ADGRL2: variants seen among roughly 807,000 people sequenced by gnomAD.
The protein encoded by ADGRL2 is calcium-independent alpha-latrotoxin receptor 2.
Under a neutral mutation model 157.4 loss-of-function variants are expected in ADGRL2, and 44 were observed. That is an observed-to-expected ratio of 0.28 (90% CI 0.22 to 0.36). The LOEUF (loss-of-function observed/expected upper bound fraction) is 0.36, where lower values mean the gene tolerates loss of function less well. ADGRL2 is among the 10% of genes least tolerant of loss of function. The probability of loss-of-function intolerance (pLI) is 1.00; values close to 1 mark genes in which losing one functional copy is unlikely to be tolerated. For synonymous variants in ADGRL2, 585 were observed against 624.7 expected (o/e 0.94, Z 0.95); for missense variants, 1,510 against 1,768.9 (o/e 0.85, Z 2.63).
intron 1 of ADGRL2, among the ~76,000 whole-genome samples, chr1:81,755,245 G>A (rs2085648526): frequency 6.8e-6 from 1 of 148,072 alleles, no homozygotes; most frequent in Admixed American, 6.8e-5. Context: ...CATACATGGG[G>A]GTGATAATTG....
chr1:81,577,796 C>G (rs1028323715), intron 2 of ADGRL2, among the ~76,000 whole-genome samples: 6 of 152,186 alleles, frequency 3.9e-5, no homozygotes, highest in Middle Eastern at 3.2e-3. Flanking sequence ...AATATTCAAT[C>G]TTTCCTGCCT....
intron 1 of ADGRL2, among the ~76,000 whole-genome samples, chr1:81,721,209 A>G (rs144070800): frequency 6.6e-6 from 1 of 151,478 alleles, no homozygotes; most frequent in African/African-American, 2.4e-5. Flanking sequence ...TGGTAACGGC[A>G]TACATTTATC....
At chr1:81,467,562 G>A (rs2101845814) in intron 2 of ADGRL2, among the ~76,000 whole-genome samples, 1 of 152,284 alleles carries the variant, frequency 6.6e-6, no homozygotes, top group East Asian at 1.9e-4. Context: ...CTTGCATGCA[G>A]GGAGAGCTGG....
intron 2 of ADGRL2, among the ~76,000 whole-genome samples, chr1:81,537,618 C>A (rs1394506460): frequency 1.3e-5 from 2 of 151,986 alleles, no homozygotes; most frequent in Non-Finnish European, 2.9e-5. Context: ...AGCATTTTAT[C>A]TTTACTAAAA....
At chr1:81,826,205 ATC>A (rs1457229844) in intron 1 of ADGRL2, among the ~76,000 whole-genome samples, 1 of 152,162 alleles carries the variant, frequency 6.6e-6, no homozygotes, top group Non-Finnish European at 1.5e-5. Flanking sequence ...TTTAAAGAAA[ATC>A]TGTTACTTCA....
chr1:81,333,749 G>A (rs1661437488), intron 1 of ADGRL2, among the ~76,000 whole-genome samples: 1 of 147,204 alleles, frequency 6.8e-6, no homozygotes, highest in Non-Finnish European at 1.5e-5. Context: ...TCAGAGCTGG[G>A]GGGTTCCCTA....
chr1:81,370,320 A>G (rs2076139945), intron 1 of ADGRL2, among the ~76,000 whole-genome samples: 1 of 152,196 alleles, frequency 6.6e-6, no homozygotes, highest in African/African-American at 2.4e-5. Flanking sequence ...TGAAATTCAA[A>G]ACGATTAAAT....
chr1:81,552,912 C>G (rs972130307), intron 2 of ADGRL2, among the ~76,000 whole-genome samples: 4 of 152,044 alleles, frequency 2.6e-5, no homozygotes, highest in Non-Finnish European at 4.4e-5. Context: ...CACTTTTTCC[C>G]CCAGTGTGTC....
intron 2 of ADGRL2, among the ~76,000 whole-genome samples, chr1:81,564,954 G>A (rs964087109): frequency 2.6e-5 from 4 of 152,214 alleles, no homozygotes; most frequent in African/African-American, 9.6e-5. Context: ...CACTGCCTGA[G>A]AGAAGCTGTA....
chr1:81,525,420 C>A (rs537703014), intron 2 of ADGRL2, among the ~76,000 whole-genome samples: 1 of 152,192 alleles, frequency 6.6e-6, no homozygotes, highest in African/African-American at 2.4e-5. Flanking sequence ...TGGGTTCAAG[C>A]GATTCTCATG....
At chr1:81,492,349 A>G (rs182345297) in intron 2 of ADGRL2, among the ~76,000 whole-genome samples, 8 of 152,328 alleles carry the variant, frequency 5.3e-5, no homozygotes, top group Admixed American at 5.2e-4. Context: ...CAATGAAGTG[A>G]AAAACACTTC....
intron 2 of ADGRL2, among the ~76,000 whole-genome samples, chr1:81,849,696 T>G (rs780867056): frequency 6.6e-6 from 1 of 151,946 alleles, no homozygotes; most frequent in Admixed American, 6.6e-5. Context: ...CCTGTAATAC[T>G]GATAAGTATA....
intron 1 of ADGRL2, among the ~76,000 whole-genome samples, chr1:81,740,127 A>G (rs755243073): frequency 9.2e-5 from 14 of 152,214 alleles, no homozygotes; most frequent in Non-Finnish European, 1.6e-4. Context: ...CTGGGAAAGT[A>G]ATATCTAACA....
chr1:81,473,857 G>A (rs2078221140), intron 2 of ADGRL2, among the ~76,000 whole-genome samples: 1 of 152,160 alleles, frequency 6.6e-6, no homozygotes, highest in South Asian at 2.1e-4. Flanking sequence ...AGCTGAAGAG[G>A]AGACTGACAC....
At chr1:81,592,857 T>A (rs1332589406) in intron 3 of ADGRL2, among the ~76,000 whole-genome samples, 1 of 151,992 alleles carries the variant, frequency 6.6e-6, no homozygotes, top group Non-Finnish European at 1.5e-5. Flanking sequence ...CAGTAAAGTA[T>A]TGGCTGTTGG....
chr1:81,755,945 C>T (rs2085674398), intron 1 of ADGRL2, among the ~76,000 whole-genome samples: 1 of 152,160 alleles, frequency 6.6e-6, no homozygotes, highest in African/African-American at 2.4e-5. Context: ...ACACCTCAAT[C>T]CGCACCTATT....
chr1:81,612,788 A>G (rs2148674988), intron 3 of ADGRL2, among the ~76,000 whole-genome samples: 1 of 152,318 alleles, frequency 6.6e-6, no homozygotes, highest in South Asian at 2.1e-4. Flanking sequence ...AGACATACAA[A>G]TGGTCAACAG....
intron 1 of ADGRL2, among the ~76,000 whole-genome samples, chr1:81,345,619 GA>G (rs1662425572): frequency 6.6e-6 from 1 of 152,172 alleles, no homozygotes; most frequent in South Asian, 2.1e-4. Flanking sequence ...TAATGCAACA[GA>G]ATCTGTACAG....
At chr1:81,310,579 A>G (rs1216162975) in intron 1 of ADGRL2, among the ~76,000 whole-genome samples, 1 of 152,178 alleles carries the variant, frequency 6.6e-6, no homozygotes, top group Non-Finnish European at 1.5e-5. Context: ...AGATCTTTGA[A>G]GTATCAGGCA....
Sources: gnomAD v4.1 joint callset for allele counts (sites outside exome capture counted in the v4.1 genomes callset) on GRCh38, gnomAD v4.1.1 for gene constraint, MANE v1.5 for transcripts, NCBI Gene and HGNC (gene_info 2026-07-23, HGNC 2026-07-21) for gene names.